BTBD3: variants seen among roughly 807,000 people sequenced by gnomAD.
The protein encoded by BTBD3 is BTB/POZ domain-containing protein 3.
BTBD3 carries 14 observed loss-of-function variants against 41.6 expected under a neutral mutation model. The observed-to-expected ratio is 0.34, with a 90% CI of 0.22 to 0.53. BTBD3 has a LOEUF of 0.53. Among genes scored for constraint, BTBD3 ranks in the 20% least tolerant of loss-of-function variants. The pLI is 0.95. For synonymous variants in BTBD3, 249 were observed against 233.7 expected (o/e 1.07, Z -0.60); for missense variants, 426 against 654.7 (o/e 0.65, Z 3.81).
intron 1 of BTBD3, among the ~76,000 whole-genome samples, chr20:11,904,355 TACTC>T (rs1180061446): frequency 1.3e-5 from 2 of 152,124 alleles, no homozygotes; most frequent in Non-Finnish European, 2.9e-5. Flanking sequence ...CATGAGAACT[TACTC>T]ACTATCAAGG....
rs1052573997 is a variant in BTBD3 at position 11,920,604 on chromosome 20, G to A, written c.536+768G>A. On this transcript the variant is annotated intron_variant, in intron 3 of 3. Transcript: ENST00000378226. ...TAGAATCAGCTTCTTTATCATGTAC[G>A]GTACTAGACAGTGTGGTAGTTCACC... Among the ~76,000 whole-genome samples, 14 of 152,194 alleles carry A rather than the reference G, an allele frequency of 9.2e-5. No individual in the cohort carries two copies. In the South Asian group the frequency reaches 1.7e-3, roughly 18 times the overall value.
upstream of BTBD3, chr20:11,913,278 T>G (rs1211396059): frequency 1.3e-5 from 2 of 152,188 alleles, no homozygotes; most frequent in African/African-American, 4.8e-5. Flanking sequence ...GAAGTTGGTG[T>G]TAACCGTGAA....
chr20:11,920,152 C>T (rs767444441), intron 3 of BTBD3, among the ~76,000 whole-genome samples: 1 of 152,300 alleles, frequency 6.6e-6, no homozygotes. Context: ...AAGATGTTCT[C>T]TCTGAAAGCA....
In BTBD3 at chr20:11,919,192, A is replaced by G. The variant is rs368041191; in HGVS notation, c.417+16A>G. 123 of 1,609,688 alleles carry G rather than the reference A, an allele frequency of 7.6e-5. No homozygotes were observed. Among genetic ancestry groups the G allele is most frequent in the Non-Finnish European group, 1.0e-4 (119 of 1,176,688 alleles). ...AGGACACAAAGTAAGCAACAGCTGC[A>G]TGACCGGTTTAGTCCTGACGTTTAC... On this transcript the variant is annotated intron_variant, in intron 2 of 3. Coordinates refer to ENST00000378226, the MANE Select transcript of BTBD3 (RefSeq NM_014962.4).
intron 1 of BTBD3, among the ~76,000 whole-genome samples, chr20:11,894,384 C>T (rs188818578): frequency 1.2e-3 from 182 of 152,308 alleles, no homozygotes; most frequent in South Asian, 1.7e-3. Context: ...CCATAACATT[C>T]CCTTACAGAG....
intron 1 of BTBD3, among the ~76,000 whole-genome samples, chr20:11,899,312 G>C (rs2056809705): frequency 6.6e-6 from 1 of 152,144 alleles, no homozygotes; most frequent in African/African-American, 2.4e-5. Context: ...TTCCAGACAA[G>C]AGAATGTTGT....
rs1404161424 is a variant in BTBD3, at chr20:11,923,867, GA to G, written c.*202del. 2 of 563,098 alleles carry G rather than the reference GA, an allele frequency of 3.6e-6. No individual in the cohort carries two copies. Among genetic ancestry groups the G allele is most frequent in the African/African-American group, 3.8e-5 (2 of 53,108 alleles). 34.9% of individuals were successfully genotyped at this position (563,098 alleles called of 1,614,324 possible). A position where few individuals can be genotyped will look rare whatever the true frequency, so the allele number is the denominator to read the frequency against. On this transcript the variant is annotated 3_prime_UTR_variant, in exon 4 of 4. Transcript: ENST00000378226. This position sits in a 1 kb window ranked among gnomAD's most constrained non-coding sequence, Gnocchi z 5.3. Reference sequence around the variant, plus strand: ...TCCGCTTTTAACTATCTGCTTAAAAGAGCTAACGTTCTTATTAAGGCTTTGT... The same window carrying G: ...TCCGCTTTTAACTATCTGCTTAAAAGGCTAACGTTCTTATTAAGGCTTTGT...
intron 1 of BTBD3, among the ~76,000 whole-genome samples, chr20:11,891,965 C>T (rs1247193770): frequency 2.0e-5 from 3 of 152,142 alleles, no homozygotes; most frequent in Non-Finnish European, 4.4e-5. Context: ...GACCAATTAA[C>T]ACAGTGTATT....
chr20:11,890,844 C>T (rs2056744676), exon 1 of BTBD3: 1 of 985,310 alleles, frequency 1.0e-6, no homozygotes. Context: ...CGGGTGCCCG[C>T]CGAGCCCGCC....
At chr20:11,897,097 GT>G (rs1310057919) in intron 1 of BTBD3, among the ~76,000 whole-genome samples, 4 of 152,000 alleles carry the variant, frequency 2.6e-5, no homozygotes, top group Non-Finnish European at 1.5e-5. Context: ...CTTTTCAGTT[GT>G]TTTTAAATTT....
intron 1 of BTBD3, among the ~76,000 whole-genome samples, chr20:11,911,201 A>G (rs2056887246): frequency 6.6e-6 from 1 of 152,112 alleles, no homozygotes; most frequent in South Asian, 2.1e-4. Flanking sequence ...AAAGACACAA[A>G]CCAGTTTCAG....
chr20:11,893,996 T>G (rs2056771639), intron 1 of BTBD3, among the ~76,000 whole-genome samples: 1 of 152,280 alleles, frequency 6.6e-6, no homozygotes, highest in Non-Finnish European at 1.5e-5. Context: ...AGTTTTCTGT[T>G]GTTTTACGTA....
At chr20:11,897,050 T>G (rs2122173561) in intron 1 of BTBD3, among the ~76,000 whole-genome samples, 1 of 152,322 alleles carries the variant, frequency 6.6e-6, no homozygotes, top group East Asian at 1.9e-4. Context: ...CACCACACAC[T>G]GTTGCCTTCC....
chr20:11,909,659 A>G (rs2056877641), intron 1 of BTBD3: 1 of 152,200 alleles, frequency 6.6e-6, no homozygotes, highest in South Asian at 2.1e-4. Flanking sequence ...ACATTGTAAA[A>G]CAAAGGATAG....
At chr20:11,922,469 AATTT>A (rs1235107233) in intron 3 of BTBD3, among the ~76,000 whole-genome samples, 161 bp from the exon 4 acceptor site, 3 of 152,196 alleles carry the variant, frequency 2.0e-5, no homozygotes, top group Non-Finnish European at 4.4e-5. Flanking sequence ...AAATATTAAT[AATTT>A]ATTAATATGT....
At chr20:11,919,966 T>G in intron 3 of BTBD3, 130 bp downstream of exon 3, 1 of 783,662 alleles carries the variant, frequency 1.3e-6, no homozygotes, top group Non-Finnish European at 2.1e-6. Flanking sequence ...CTGCTTACCT[T>G]GTAAATGTTT....
chr20:11,914,250 A>G (rs1191787561), upstream of BTBD3, among the ~76,000 whole-genome samples: 1 of 152,188 alleles, frequency 6.6e-6, no homozygotes, highest in African/African-American at 2.4e-5. Context: ...TTAACTATTT[A>G]TGTTTAATCA....
chr20:11,923,893 T>C lies in BTBD3; in HGVS notation c.*227T>C. On this transcript the variant is annotated 3_prime_UTR_variant, in exon 4 of 4. Coordinates refer to ENST00000378226, the MANE Select transcript of BTBD3 (RefSeq NM_014962.4). This position sits in a 1 kb window ranked among gnomAD's most constrained non-coding sequence, Gnocchi z 5.3. Reference sequence around the variant, plus strand: ...AGCTAACGTTCTTATTAAGGCTTTGTGGTTTTTAGAGTTGCATCTATGAAC... The same window carrying C: ...AGCTAACGTTCTTATTAAGGCTTTGCGGTTTTTAGAGTTGCATCTATGAAC... 1 of 476,224 alleles carries C rather than the reference T, an allele frequency of 2.1e-6. No homozygotes were observed. Among genetic ancestry groups the C allele is most frequent in the Non-Finnish European group, 3.7e-6 (1 of 273,476 alleles). The allele number at this position is 476,224 out of a possible 1,614,324, so 29.5% of individuals were successfully genotyped here.
chr20:11,895,839 C>A (rs183924230), intron 1 of BTBD3, among the ~76,000 whole-genome samples: 12 of 152,310 alleles, frequency 7.9e-5, no homozygotes, highest in Admixed American at 6.5e-4. Context: ...GTGAGTACTT[C>A]TCGGCTTTTC....
Sources: allele counts gnomAD v4.1 joint callset (sites outside exome capture counted in the v4.1 genomes callset), GRCh38; gene constraint gnomAD v4.1.1; non-coding constraint Gnocchi (gnomAD v3.1); transcripts MANE v1.5; gene names NCBI Gene and HGNC (gene_info 2026-07-23, HGNC 2026-07-21).